Variants in ADGRD1 observed in about 807,000 individuals in gnomAD.
ADGRD1 encodes the protein adhesion G protein-coupled receptor D1, also known as G-protein coupled receptor 133.
Under a neutral mutation model 113.4 loss-of-function variants are expected in ADGRD1, and 77 were observed. The ratio of observed to expected loss-of-function variants is 0.68; its 90% confidence interval spans 0.57 to 0.82. ADGRD1 has a LOEUF of 0.82. Among genes scored for constraint, ADGRD1 ranks in the 40% least tolerant of loss-of-function variants. ADGRD1 has a pLI of 0.00. For synonymous variants in ADGRD1, 474 were observed against 475.0 expected, an observed-to-expected ratio of 1.00 and a Z score of 0.03; for missense variants, 1,036 against 1,139.1, an observed-to-expected ratio of 0.91 and a Z score of 1.30.
chr12:131,109,857 C>T (rs192249848), intron 18 of ADGRD1, among the ~76,000 whole-genome samples: 39 of 152,190 alleles, frequency 2.6e-4, no homozygotes, highest in Non-Finnish European at 5.1e-4. Context: ...GTGTATTTCT[C>T]CCTTCAATTT....
At chr12:131,091,668 G>C (rs1886916443) in intron 15 of ADGRD1, among the ~76,000 whole-genome samples, 1 of 152,170 alleles carries the variant, frequency 6.6e-6, no homozygotes, top group African/African-American at 2.4e-5. Flanking sequence ...TTATCAGAAA[G>C]GCACGGGCAG....
In ADGRD1 at chr12:131,068,096, C is replaced by T. The variant is rs775011972; in HGVS notation, c.1474-8705C>T. Among the ~76,000 whole-genome samples, 21 of 152,336 alleles carry T rather than the reference C, an allele frequency of 1.4e-4. No individual in the cohort carries two copies. The South Asian group carries it at 1.7e-3, about 12-fold the overall frequency. On this transcript the variant is annotated intron_variant, in intron 13 of 24. Transcript: ENST00000261654. ...AGAAGTCCCACCAAGCTCTAAAGAC[C>T]TCAGCCACTTTCCTGAGGCCACCAG... is the stretch of plus-strand genomic sequence containing the variant.
chr12:131,105,881 T>G lies in ADGRD1; in HGVS notation c.1887+16T>G, dbSNP rs1307927346. The stretch of plus-strand genomic sequence containing the variant: ...GCCGGGCACGGTGAGTGGGCGCAGC[T>G]CCGTGTTCCTGCGCTGTCCTTCCCT... On this transcript the variant is annotated intron_variant, in intron 17 of 24. Transcript: ENST00000261654. 1 of 1,559,288 alleles carries G rather than the reference T, an allele frequency of 6.4e-7. No individual in the cohort carries two copies. The highest frequency in any genetic ancestry group is 2.3e-5 in the East Asian group (1 of 44,374).
chr12:131,116,568 T>A (rs1446452618), intron 18 of ADGRD1, among the ~76,000 whole-genome samples: 1 of 142,354 alleles, frequency 7.0e-6, no homozygotes, highest in Non-Finnish European at 1.5e-5. Context: ...AGGAGCCACC[T>A]TCCCTCCTCC....
At chr12:131,093,974 G>GTC (rs1566103721) in intron 15 of ADGRD1, among the ~76,000 whole-genome samples, 1 of 140,152 alleles carries the variant, frequency 7.1e-6, no homozygotes, top group African/African-American at 2.7e-5. Context: ...ACCCAGCCCT[G>GTC]AGCACCCAGC....
rs2136533704 is a variant in ADGRD1, at chr12:130,971,259, A to G, written c.188-199A>G. ...AAATTTTTATCTGACATACACATTAATAATTTACAATTTAATTACTAATAA... is the reference window on the plus strand; with the variant it reads ...AAATTTTTATCTGACATACACATTAGTAATTTACAATTTAATTACTAATAA... On this transcript the variant is annotated intron_variant, in intron 3 of 24. Coordinates refer to ENST00000261654, the MANE Select transcript of ADGRD1 (RefSeq NM_198827.5). The surrounding 1 kb of genome is among the most constrained non-coding windows in gnomAD (Gnocchi z 4.2). The G allele has an allele frequency of 3.7e-6, 1 of 267,680 alleles. No homozygotes were observed. The highest frequency in any genetic ancestry group is 7.6e-5 in the South Asian group (1 of 13,220). 16.6% of individuals were successfully genotyped at this position (267,680 alleles called of 1,614,324 possible). A position where few individuals can be genotyped will look rare whatever the true frequency, so the allele number is the denominator to read the frequency against.
In ADGRD1 at chr12:131,014,416, G is replaced by A. The variant is rs1878318512; in HGVS notation, c.1473+76G>A. On this transcript the variant is annotated intron_variant, in intron 13 of 24. Transcript: ENST00000261654. ...CTGAGGAATGCTGGGTTGTCTGTGT[G>A]CTTGCATAAAGAATCTCCAACAGCC... The A allele has an allele frequency of 6.7e-6, 9 of 1,350,356 alleles. No individual in the cohort carries two copies. The South Asian group carries it at 1.1e-4, about 16-fold the overall frequency. 83.6% of individuals were successfully genotyped at this position (1,350,356 alleles called of 1,614,324 possible). A position where few individuals can be genotyped will look rare whatever the true frequency, so the allele number is the denominator to read the frequency against.
chr12:131,135,202 C>T lies in ADGRD1; in HGVS notation c.2268-835C>T, dbSNP rs538574737. On this transcript the variant is annotated intron_variant, in intron 21 of 24. Transcript: ENST00000261654. ...AGGTGCTAACTGGCCCAGGTGGGGA[C>T]GTCTGCATACCCTCTGGTTCTGCCC... Among the ~76,000 whole-genome samples, 64 of 152,240 alleles carry T rather than the reference C, an allele frequency of 4.2e-4. 1 individual carries two copies. Among genetic ancestry groups the T allele is most frequent in the African/African-American group, 1.2e-3 (48 of 41,536 alleles).
intron 13 of ADGRD1, chr12:131,070,756 G>A (rs2137132732): frequency 2.0e-6 from 1 of 510,152 alleles, no homozygotes; most frequent in Non-Finnish European, 3.9e-6. Context: ...AACCTTCCTG[G>A]CCCCACCCAC....
rs146260772 is a variant in ADGRD1 at position 131,003,190 on chromosome 12, C to T, written c.1032C>T (p.Ser344=). 2.1e-4 allele frequency: 336 copies of T among 1,612,380 alleles called. No individual in the cohort carries two copies. The highest frequency in any genetic ancestry group is 2.5e-4 in the Non-Finnish European group (298 of 1,178,578). The change falls in exon 10 of 25, where the codon AGC becomes AGT. Residue 344 remains serine (S), a synonymous_variant. Transcript: ENST00000261654. The surrounding 1 kb of genome is among the most constrained non-coding windows in gnomAD (Gnocchi z 4.8). ...LPGWIALSED[S]AVVLSLIDTI... ...TGGTGCTTGTGTTGCTGCAGGACAG[C>T]GCCGTGGTACTGAGTCTCATCGACA...
chr12:131,025,181 T>A (rs1879806944), intron 13 of ADGRD1, among the ~76,000 whole-genome samples: 1 of 152,238 alleles, frequency 6.6e-6, no homozygotes, highest in African/African-American at 2.4e-5. Flanking sequence ...AGAAAGTGTT[T>A]GAATAAGGAA....
At chr12:131,028,517 C>T (rs1880244447) in intron 13 of ADGRD1, among the ~76,000 whole-genome samples, 1 of 152,154 alleles carries the variant, frequency 6.6e-6, no homozygotes, top group Non-Finnish European at 1.5e-5. Context: ...TCCTGCCTAA[C>T]CCGAGGCCAT....
Position 131,022,822 on chromosome 12 carries a change from C to T in ADGRD1, c.1473+8482C>T, listed in dbSNP as rs1310839341. 7 of 151,908 alleles carry T rather than the reference C, an allele frequency of 4.6e-5. No homozygotes were observed. Among genetic ancestry groups the T allele is most frequent in the African/African-American group, 1.7e-4 (7 of 41,328 alleles). The allele number at this position is 151,908 out of a possible 1,614,324, so 9.4% of individuals were successfully genotyped here. A position where few individuals can be genotyped will look rare whatever the true frequency, so the allele number is the denominator to read the frequency against. On this transcript the variant is annotated intron_variant, in intron 13 of 24. Transcript: ENST00000261654. This position sits in a 1 kb window ranked among gnomAD's most constrained non-coding sequence, Gnocchi z 4.6. ...CTGCTGGAGCGTCACTGTTCTCAGT[C>T]CTCTCTCGGTGGACAGAGCCGGGAA...
chr12:131,134,077 G>T (rs1951007094), intron 21 of ADGRD1, among the ~76,000 whole-genome samples: 1 of 152,218 alleles, frequency 6.6e-6, no homozygotes, highest in Non-Finnish European at 1.5e-5. Flanking sequence ...TTTATTGATT[G>T]TGATTCCAGA....
intron 19 of ADGRD1, 199 bp from the exon 20 acceptor site, chr12:131,120,648 C>T (rs1211054552): frequency 4.6e-6 from 3 of 647,258 alleles, no homozygotes; most frequent in Non-Finnish European, 8.4e-6. Context: ...GGTCTTCAAA[C>T]CTGGAAAATC....
Position 130,982,068 on chromosome 12 carries a change from G to A in ADGRD1, c.490+5G>A, listed in dbSNP as rs751044734. ...AGGCCTCCTTCAGCCCCCCAGGTGA[G>A]TGACAGCATCGGTCCCGGGAGGCTC... On this transcript the variant is annotated splice_donor_5th_base_variant and intron_variant, in intron 5 of 24. Transcript: ENST00000261654. 1.9e-6 allele frequency: 3 copies of A among 1,611,958 alleles called. No individual in the cohort carries two copies. The highest frequency in any genetic ancestry group is 2.5e-6 in the Non-Finnish European group (3 of 1,178,910).
Position 131,139,364 on chromosome 12 carries a change from T to C in ADGRD1, c.*101T>C. 1.3e-6 allele frequency: 1 copy of C among 799,222 alleles called. No individual in the cohort carries two copies. Among genetic ancestry groups the C allele is most frequent in the Non-Finnish European group, 2.1e-6 (1 of 486,784 alleles). 49.5% of individuals were successfully genotyped at this position (799,222 alleles called of 1,614,324 possible). On this transcript the variant is annotated 3_prime_UTR_variant, in exon 25 of 25. Coordinates refer to ENST00000261654, the MANE Select transcript of ADGRD1 (RefSeq NM_198827.5). ...CCCATGGACCCTCTCCTTGCTGCTG[T>C]CTGGACATGGGTGTTGTGGCCCCGA...
chr12:131,110,311 A>C (rs534975231), intron 18 of ADGRD1, among the ~76,000 whole-genome samples: 10 of 151,086 alleles, frequency 6.6e-5, no homozygotes, highest in Non-Finnish European at 1.5e-4. Context: ...AATTAAGTGA[A>C]TATTTCCTAG....
At chr12:131,037,859 C>T (rs1378605213) in intron 13 of ADGRD1, among the ~76,000 whole-genome samples, 1 of 150,698 alleles carries the variant, frequency 6.6e-6, no homozygotes, top group African/African-American at 2.4e-5. Context: ...GGGTCTCACT[C>T]ACTGCACCAG....
Sources: gnomAD v4.1 joint callset for allele counts (sites outside exome capture counted in the v4.1 genomes callset) on GRCh38, gnomAD v4.1.1 for gene constraint, Gnocchi (gnomAD v3.1) non-coding constraint, MANE v1.5 for transcripts, NCBI Gene and HGNC (gene_info 2026-07-23, HGNC 2026-07-21) for gene names.